SEZ6L: variants seen among roughly 807,000 people sequenced by gnomAD.
SEZ6L encodes the protein seizure 6-like protein.
A neutral mutation model predicts 106.2 loss-of-function variants in SEZ6L; 37 were observed. The ratio of observed to expected loss-of-function variants is 0.35; its 90% CI spans 0.27 to 0.46. The LOEUF is 0.46. SEZ6L is among the 20% of genes least tolerant of loss of function. The pLI is 1.00. For synonymous variants in SEZ6L, 541 were observed against 570.4 expected, an observed-to-expected ratio of 0.95 and a Z score of 0.73; for missense variants, 1,172 against 1,332.8, an observed-to-expected ratio of 0.88 and a Z score of 1.88.
chr22:26,356,274 T>C (rs6005021), intron 12 of SEZ6L, among the ~76,000 whole-genome samples: 10,741 of 152,246 alleles, frequency 0.071, 1,330 homozygotes, highest in African/African-American at 0.25. Flanking sequence ...AGTTATCTCT[T>C]CACAGCATAG....
intron 1 of SEZ6L, among the ~76,000 whole-genome samples, chr22:26,259,817 A>G (rs570155637): frequency 2.9e-4 from 44 of 152,348 alleles, no homozygotes; most frequent in Non-Finnish European, 4.7e-4. Flanking sequence ...CCCACAGCTC[A>G]TAATTTCTCC....
At chr22:26,201,159 A>G (rs1940920127) in intron 1 of SEZ6L, among the ~76,000 whole-genome samples, 1 of 152,104 alleles carries the variant, frequency 6.6e-6, no homozygotes, top group Non-Finnish European at 1.5e-5. Flanking sequence ...TATGCAGCTC[A>G]GAGCCCGAGC....
rs933306934 is a variant in SEZ6L at position 26,275,997 on chromosome 22, T to C, written c.95-16409T>C. On this transcript the variant is annotated intron_variant, in intron 1 of 16. Coordinates refer to ENST00000248933, the MANE Select transcript of SEZ6L (RefSeq NM_021115.5). ...TTCCCTCACCTCACTGGGGCATAAG[T>C]GTGTGGTCAACCAGCCCGGCTTCAA... is the stretch of plus-strand genomic sequence containing the variant. 5.3e-5 allele frequency among the ~76,000 whole-genome samples: 8 copies of C among 152,266 alleles called. No homozygotes were observed. In the East Asian group the frequency reaches 1.5e-3, roughly 29 times the overall value.
At chr22:26,246,445 C>A (rs1297854404) in intron 1 of SEZ6L, among the ~76,000 whole-genome samples, 2 of 151,982 alleles carry the variant, frequency 1.3e-5, no homozygotes, top group African/African-American at 2.4e-5. Context: ...ATCCCAAGAC[C>A]CTCTAGTTAT....
At chr22:26,215,249 C>T (rs2078268064) in intron 1 of SEZ6L, among the ~76,000 whole-genome samples, 2 of 152,166 alleles carry the variant, frequency 1.3e-5, no homozygotes, top group Admixed American at 6.5e-5. Flanking sequence ...ATTTTAGGTT[C>T]ACTAGGTATA....
intron 16 of SEZ6L, among the ~76,000 whole-genome samples, chr22:26,380,015 G>C (rs891766048): frequency 1.4e-4 from 22 of 152,202 alleles, no homozygotes; most frequent in African/African-American, 4.8e-4. Context: ...AAGCCTACCA[G>C]GGCATGCCCT....
intron 1 of SEZ6L, among the ~76,000 whole-genome samples, chr22:26,248,913 T>C (rs960673701): frequency 5.3e-5 from 8 of 150,314 alleles, no homozygotes; most frequent in Non-Finnish European, 1.0e-4. Flanking sequence ...CCATGCCCCA[T>C]GCATTTCTTT....
chr22:26,171,955 C>T (rs947531663), intron 1 of SEZ6L, among the ~76,000 whole-genome samples: 3 of 151,906 alleles, frequency 2.0e-5, no homozygotes, highest in Non-Finnish European at 2.9e-5. Flanking sequence ...CTTCTGCTTG[C>T]GGTGAAGTGA....
chr22:26,206,602 G>T (rs1196497171), intron 1 of SEZ6L, among the ~76,000 whole-genome samples: 4 of 152,194 alleles, frequency 2.6e-5, no homozygotes, highest in Admixed American at 6.5e-5. Context: ...CTAAACTGCT[G>T]CCAATAACAT....
rs776210705 is a variant in SEZ6L, at chr22:26,365,389, T to G, written c.2617T>G (p.Cys873Gly). The G allele has an allele frequency of 6.2e-7, 1 of 1,605,842 alleles. No individual in the cohort carries two copies. The highest frequency in any genetic ancestry group is 8.5e-7 in the Non-Finnish European group (1 of 1,173,066). ...CATTTCAGCGGAGGAGTCCCTGGCATGTGACAACCCAGGGCTGCCTGAAAA... is the reference window on the plus strand; with the variant it reads ...CATTTCAGCGGAGGAGTCCCTGGCAGGTGACAACCCAGGGCTGCCTGAAAA... ...PHCVSEESLA[C>G]DNPGLPENGY... The change falls in exon 13 of 17, where the codon TGT becomes GGT. Residue 873 changes from cysteine (C) to glycine (G), a missense_variant. Physicochemically the swap from Cys to Gly is radical, Grantham distance 159. Around this residue, in one of 4 missense-constraint regions of SEZ6L, gnomAD observed 3 missense variants for 20.0 expected, o/e 0.15. Transcript: ENST00000248933.
At chr22:26,208,850 C>CTCTG (rs1169195734) in intron 1 of SEZ6L, among the ~76,000 whole-genome samples, 74 of 111,800 alleles carry the variant, frequency 6.6e-4, no homozygotes, top group Middle Eastern at 4.4e-3. Flanking sequence ...GACTCTCTCT[C>CTCTG]TGTGTGTGTG....
At chr22:26,200,595 T>C (rs1940875670) in intron 1 of SEZ6L, among the ~76,000 whole-genome samples, 1 of 152,200 alleles carries the variant, frequency 6.6e-6, no homozygotes, top group Non-Finnish European at 1.5e-5. Flanking sequence ...GAACGCAATG[T>C]GGTGCAGTGG....
At chr22:26,353,989 C>T (rs746753691) in intron 12 of SEZ6L, among the ~76,000 whole-genome samples, 3 of 151,388 alleles carry the variant, frequency 2.0e-5, no homozygotes, top group Non-Finnish European at 2.9e-5. Context: ...ACAGTGTCTT[C>T]GACATCCTAA....
chr22:26,206,421 A>T (rs1941275689), intron 1 of SEZ6L, among the ~76,000 whole-genome samples: 1 of 152,232 alleles, frequency 6.6e-6, no homozygotes, highest in Admixed American at 6.5e-5. Context: ...ACTTTGTTAC[A>T]TCCTTTGCAT....
At chr22:26,300,004 G>A (rs73419582) in intron 5 of SEZ6L, among the ~76,000 whole-genome samples, 2,433 of 152,218 alleles carry the variant, frequency 0.016, 59 homozygotes, top group African/African-American at 0.056. Flanking sequence ...CCATGTTGTT[G>A]TTTTTATTGT....
chr22:26,208,765 A>G (rs1941424609), intron 1 of SEZ6L, among the ~76,000 whole-genome samples: 1 of 150,630 alleles, frequency 6.6e-6, no homozygotes, highest in Non-Finnish European at 1.5e-5. Context: ...TATGTTTTTC[A>G]TCAAATTTGA....
chr22:26,187,870 G>C (rs1167033579), intron 1 of SEZ6L, among the ~76,000 whole-genome samples: 1 of 152,146 alleles, frequency 6.6e-6, no homozygotes, highest in Non-Finnish European at 1.5e-5. Context: ...GACATACCAA[G>C]CTTTTTCCAG....
At chr22:26,280,520 T>G (rs2080727877) in intron 1 of SEZ6L, among the ~76,000 whole-genome samples, 1 of 152,250 alleles carries the variant, frequency 6.6e-6, no homozygotes, top group Admixed American at 6.5e-5. Flanking sequence ...CACCTTGGTT[T>G]TTGTTTTCTT....
chr22:26,287,845 G>T (rs1313259812), intron 1 of SEZ6L, among the ~76,000 whole-genome samples: 1 of 152,212 alleles, frequency 6.6e-6, no homozygotes. Flanking sequence ...CCAAGCTTGT[G>T]TATGATTAAG....
Sources: allele counts gnomAD v4.1 joint callset (sites outside exome capture counted in the v4.1 genomes callset), GRCh38; gene constraint gnomAD v4.1.1; regional missense constraint gnomAD v4.1.1; transcripts MANE v1.5; gene names NCBI Gene and HGNC (gene_info 2026-07-23, HGNC 2026-07-21).